The following DPP6 variants were observed in gnomAD, a reference collection of about 807,000 sequenced individuals.
DPP6 encodes the protein dipeptidyl peptidase like 6, also known as A-type potassium channel modulatory protein DPP6.
A neutral mutation model predicts 122.6 loss-of-function variants in DPP6; 69 were observed. The observed-to-expected ratio is 0.56, with a 90% CI of 0.46 to 0.69. The LOEUF (loss-of-function observed/expected upper bound fraction) is 0.69. DPP6 is among the 30% of genes least tolerant of loss of function. The pLI, the probability that DPP6 is intolerant of heterozygous loss-of-function variation, is 0.00. For synonymous variants in DPP6, 418 were observed against 433.1 expected (o/e 0.97, Z 0.43); for missense variants, 928 against 1,116.9 (o/e 0.83, Z 2.41).
the DPP6 span, among the ~76,000 whole-genome samples, chr7:153,818,615 A>T: frequency 6.6e-6 from 1 of 151,972 alleles, no homozygotes. Flanking sequence ...TGACACATTT[A>T]TCTAGCCAGA....
chr7:154,312,050 C>T (rs533217942), intron 1 of DPP6, among the ~76,000 whole-genome samples: 4 of 152,266 alleles, frequency 2.6e-5, no homozygotes, highest in East Asian at 1.9e-4. Context: ...TTAGTCACAT[C>T]GTTAAGGAAT....
chr7:153,774,811 T>G, the DPP6 span, among the ~76,000 whole-genome samples: 2 of 151,968 alleles, frequency 1.3e-5, no homozygotes, highest in Non-Finnish European at 2.9e-5. Context: ...TGAAAAATTT[T>G]TAAGTTAACT....
At chr7:154,566,032 T>A (rs1224195272) in intron 4 of DPP6, among the ~76,000 whole-genome samples, 1 of 152,222 alleles carries the variant, frequency 6.6e-6, no homozygotes, top group Non-Finnish European at 1.5e-5. Context: ...GGATGATGTT[T>A]GTACTATGAA....
chr7:154,547,161 T>C (rs1324278711), intron 4 of DPP6, among the ~76,000 whole-genome samples: 1 of 152,222 alleles, frequency 6.6e-6, no homozygotes, highest in Admixed American at 6.5e-5. Context: ...CTGAGTTCAC[T>C]GACCACTGAT....
chr7:154,851,860 A>G (rs1040230657), intron 16 of DPP6, among the ~76,000 whole-genome samples: 1 of 152,130 alleles, frequency 6.6e-6, no homozygotes, highest in Non-Finnish European at 1.5e-5. Context: ...AGAGAGGGGC[A>G]CCACGTTGGG....
chr7:154,510,678 G>A (rs1269473945), intron 3 of DPP6, among the ~76,000 whole-genome samples: 3 of 147,086 alleles, frequency 2.0e-5, no homozygotes, highest in Non-Finnish European at 4.5e-5. Flanking sequence ...CAGCCCAGGT[G>A]ACAGCCCAGG....
chr7:154,167,707 G>C (rs1797325584), intron 1 of DPP6, among the ~76,000 whole-genome samples: 1 of 152,326 alleles, frequency 6.6e-6, no homozygotes, highest in Middle Eastern at 3.4e-3. Context: ...AACATTAGCT[G>C]TGTGGGGGCT....
At chr7:154,444,886 T>C (rs1819720076) in intron 1 of DPP6, among the ~76,000 whole-genome samples, 1 of 152,228 alleles carries the variant, frequency 6.6e-6, no homozygotes, top group Non-Finnish European at 1.5e-5. Flanking sequence ...ACGGATAGTC[T>C]TACTTTTTAA....
intron 7 of DPP6, among the ~76,000 whole-genome samples, chr7:154,706,935 T>C (rs1253263399): frequency 1.3e-5 from 2 of 152,148 alleles, no homozygotes; most frequent in African/African-American, 2.4e-5. Context: ...TTGATTTTGG[T>C]TGATGTTTTG....
intron 3 of DPP6, among the ~76,000 whole-genome samples, chr7:154,535,033 G>T (rs1828123905): frequency 6.8e-6 from 1 of 147,404 alleles, no homozygotes; most frequent in African/African-American, 2.5e-5. Flanking sequence ...CAATGGAATG[G>T]GATAGAAAGT....
chr7:154,071,897 A>G (rs11766679), intron 1 of DPP6, among the ~76,000 whole-genome samples: 31,397 of 152,226 alleles, frequency 0.21, 3,987 homozygotes, highest in Admixed American at 0.28. Context: ...AAATTAGTCT[A>G]AAATCTCGAT....
chr7:154,884,258 AC>A lies in DPP6; in HGVS notation c.2134-1374del, dbSNP rs531593839. 2.5e-3 allele frequency: 375 copies of A among 149,404 alleles called. 3 individuals are homozygous for A. Among genetic ancestry groups the A allele is most frequent in the Admixed American group, 6.1e-3 (92 of 15,096 alleles). The allele number at this position is 149,404 out of a possible 1,614,324, so 9.3% of individuals were successfully genotyped here. ...ACACACATGCTCACAAATTACATAC[AC>A]ATGCTCACACATACACATACATGCT... On this transcript the variant is annotated intron_variant, in intron 21 of 25. Transcript: ENST00000377770.
chr7:153,957,955 G>A (rs573573263), intron 1 of DPP6, among the ~76,000 whole-genome samples: 2 of 152,280 alleles, frequency 1.3e-5, no homozygotes, highest in South Asian at 2.1e-4. Flanking sequence ...CCTGAGGTCA[G>A]GAGCTCAAGA....
At chr7:153,889,737 A>G (rs1799105482) in intron 1 of DPP6, among the ~76,000 whole-genome samples, 1 of 152,236 alleles carries the variant, frequency 6.6e-6, no homozygotes, top group Middle Eastern at 3.2e-3. Context: ...AATGTTAAGA[A>G]GTGTCATCGG....
intron 2 of DPP6, among the ~76,000 whole-genome samples, chr7:154,460,432 TAG>T (rs532192152): frequency 9.5e-4 from 144 of 152,340 alleles, no homozygotes; most frequent in African/African-American, 3.4e-3. Flanking sequence ...AAGTCCTCTA[TAG>T]ATGTGTTTCA....
In DPP6 at chr7:154,103,172, C is replaced by G. The variant is rs1280001022; in HGVS notation, c.243+50109C>G. Among the ~76,000 whole-genome samples, 4 of 152,102 alleles carry G rather than the reference C, an allele frequency of 2.6e-5. No individual in the cohort carries two copies. In the East Asian group the frequency reaches 5.8e-4, roughly 22 times the overall value. On this transcript the variant is annotated intron_variant, in intron 1 of 25. Transcript: ENST00000377770. ...GTTGCCCTGCTTAGCTCAAGGGGAG[C>G]ATCTCCTGAGAAAGCTGATTCCGAC...
chr7:154,441,059 C>T (rs1165335188), intron 1 of DPP6, among the ~76,000 whole-genome samples: 2 of 152,294 alleles, frequency 1.3e-5, no homozygotes, highest in South Asian at 4.2e-4. Context: ...GGGATGTGTA[C>T]CCGGAACATT....
intron 3 of DPP6, among the ~76,000 whole-genome samples, chr7:154,497,379 G>T (rs917564580): frequency 6.6e-6 from 1 of 152,140 alleles, no homozygotes; most frequent in African/African-American, 2.4e-5. Flanking sequence ...AGGCCCAGTT[G>T]GTTGGATCAC....
At chr7:153,872,952 A>G in the DPP6 span, among the ~76,000 whole-genome samples, 2 of 152,236 alleles carry the variant, frequency 1.3e-5, no homozygotes, top group African/African-American at 2.4e-5. Context: ...TCCATTTTGC[A>G]CTGCTACAAA....
Sources: allele counts gnomAD v4.1 joint callset (sites outside exome capture counted in the v4.1 genomes callset), GRCh38; gene constraint gnomAD v4.1.1; transcripts MANE v1.5; gene names NCBI Gene and HGNC (gene_info 2026-07-23, HGNC 2026-07-21).